SQOR: variants seen among roughly 807,000 people sequenced by gnomAD.
SQOR encodes the protein sulfide:quinone oxidoreductase, mitochondrial.
Under a neutral mutation model 48.6 loss-of-function variants are expected in SQOR, and 39 were observed. That is an observed-to-expected ratio of 0.80 (90% CI 0.62 to 1.05). The LOEUF is 1.05. Ranked by LOEUF, SQOR falls within the 50% of genes least tolerant of loss-of-function variation. The pLI, the probability that SQOR is intolerant of heterozygous loss-of-function variation, is 0.00. For missense variants in SQOR, 561 were observed against 559.9 expected (o/e 1.00, Z -0.02); for synonymous variants, 220 against 206.2 (o/e 1.07, Z -0.57).
At chr15:45,654,129 A>G (rs1266174982) in intron 1 of SQOR, among the ~76,000 whole-genome samples, 2 of 151,332 alleles carry the variant, frequency 1.3e-5, no homozygotes, top group Non-Finnish European at 2.9e-5. Context: ...AAAAAAAAAA[A>G]AAAAAGTGGC....
intron 6 of SQOR, among the ~76,000 whole-genome samples, chr15:45,680,644 G>C (rs1890110778): frequency 6.6e-6 from 1 of 151,730 alleles, no homozygotes; most frequent in Admixed American, 6.6e-5. Context: ...TCGAACTCCT[G>C]AGCTCAAGCG....
intron 7 of SQOR, among the ~76,000 whole-genome samples, chr15:45,687,594 A>G (rs1217559557): frequency 2.0e-5 from 2 of 97,680 alleles, no homozygotes; most frequent in South Asian, 3.1e-4. Flanking sequence ...ATACAGCGGG[A>G]AAAAAATAGC....
chr15:45,682,701 T>C (rs765211885), intron 7 of SQOR, 40 bp downstream of exon 7: 2 of 1,604,912 alleles, frequency 1.2e-6, no homozygotes, highest in Non-Finnish European at 1.7e-6. Context: ...CTCAAAAATA[T>C]GTCACCTCAA....
intron 2 of SQOR, 115 bp from the exon 3 acceptor site, chr15:45,661,840 C>A (rs372162712): frequency 2.7e-6 from 3 of 1,100,644 alleles, no homozygotes; most frequent in African/African-American, 3.2e-5. Context: ...CTTTTCCATA[C>A]GATGCTCTAA....
At chr15:45,638,859 C>T (rs533966478) in intron 1 of SQOR, among the ~76,000 whole-genome samples, 5 of 152,160 alleles carry the variant, frequency 3.3e-5, no homozygotes, top group African/African-American at 1.2e-4. Flanking sequence ...GAAAAGGCCA[C>T]GCAAAGGCAC....
chr15:45,672,657 C>A (rs1259943130), intron 4 of SQOR, among the ~76,000 whole-genome samples: 1 of 152,170 alleles, frequency 6.6e-6, no homozygotes, highest in Admixed American at 6.6e-5. Context: ...AGAACTGAGG[C>A]TTAAGTCTCT....
chr15:45,642,529 A>G (rs1244918924), intron 1 of SQOR, among the ~76,000 whole-genome samples: 1 of 152,176 alleles, frequency 6.6e-6, no homozygotes, highest in Non-Finnish European at 1.5e-5. Context: ...TCCTAGATCA[A>G]ATTGCCATTG....
intron 1 of SQOR, among the ~76,000 whole-genome samples, chr15:45,650,542 G>C (rs897029672): frequency 2.0e-5 from 3 of 152,116 alleles, no homozygotes; most frequent in African/African-American, 7.2e-5. Context: ...AAAGAAGAAA[G>C]CATCCACAAC....
At chr15:45,674,456 G>C (rs1260839579) in intron 5 of SQOR, among the ~76,000 whole-genome samples, 3 of 150,338 alleles carry the variant, frequency 2.0e-5, no homozygotes, top group Non-Finnish European at 4.4e-5. Flanking sequence ...AAAAAAAAAA[G>C]TCTACTGGAG....
chr15:45,687,761 C>T (rs1304385938), intron 7 of SQOR, among the ~76,000 whole-genome samples: 2 of 152,130 alleles, frequency 1.3e-5, no homozygotes, highest in Admixed American at 1.3e-4. Context: ...GTCTGTCTGT[C>T]TATCTAGGAA....
intron 1 of SQOR, among the ~76,000 whole-genome samples, chr15:45,657,435 G>A (rs1016887555): frequency 4.6e-5 from 7 of 152,126 alleles, no homozygotes; most frequent in African/African-American, 1.7e-4. Flanking sequence ...GAAATGCAGG[G>A]TCAAAGGGTA....
chr15:45,688,228 G>T lies in SQOR; in HGVS notation c.1049-109G>T, dbSNP rs1486189211. The stretch of plus-strand genomic sequence containing the variant: ...AAGGTCATGTTCTAGTCACAGTCTT[G>T]AGGGATGGGAAATGGAATCTTCTTG... On this transcript the variant is annotated intron_variant, in intron 7 of 9. Coordinates refer to ENST00000260324, the MANE Select transcript of SQOR (RefSeq NM_021199.4). The T allele has an allele frequency of 8.1e-6, 6 of 736,618 alleles. No homozygotes were observed. In the African/African-American group the frequency reaches 1.1e-4, roughly 13 times the overall value. 45.6% of individuals were successfully genotyped at this position (736,618 alleles called of 1,614,324 possible). A position where few individuals can be genotyped will look rare whatever the true frequency, so the allele number is the denominator to read the frequency against.
At chr15:45,654,243 G>C (rs72715019) in intron 1 of SQOR, among the ~76,000 whole-genome samples, 1 of 152,096 alleles carries the variant, frequency 6.6e-6, no homozygotes, top group African/African-American at 2.4e-5. Context: ...TATGGTTCTG[G>C]GTTTTCTGAT....
chr15:45,682,615 T>C lies in SQOR; in HGVS notation c.1002T>C (p.Ile334=). Residue 334 remains isoleucine (I), a synonymous_variant, in exon 7 of 10, where the codon ATT becomes ATC. Coordinates refer to ENST00000260324, the MANE Select transcript of SQOR (RefSeq NM_021199.4). ...QHRRYPNVFG[I]GDCTNLPTSK... is the part of the protein sequence containing the mutation. ...GGAGGTACCCAAATGTGTTTGGGAT[T>C]GGGGACTGCACCAACCTTCCTACGT... The C allele has an allele frequency of 6.2e-7, 1 of 1,614,152 alleles. No homozygotes were observed. Among genetic ancestry groups the C allele is most frequent in the East Asian group, 2.2e-5 (1 of 44,884 alleles).
At chr15:45,652,844 A>G (rs1293596266) in intron 1 of SQOR, among the ~76,000 whole-genome samples, 1 of 151,134 alleles carries the variant, frequency 6.6e-6, no homozygotes, top group Non-Finnish European at 1.5e-5. Flanking sequence ...GGTGGCAGGC[A>G]CCTGTAATCC....
intron 3 of SQOR, among the ~76,000 whole-genome samples, chr15:45,665,871 A>C (rs1471733724): frequency 2.6e-5 from 4 of 152,192 alleles, no homozygotes; most frequent in African/African-American, 4.8e-5. Context: ...GGTGTGAGCC[A>C]CCGTGCCCAG....
At chr15:45,668,801 A>C (rs1889885808) in intron 3 of SQOR, among the ~76,000 whole-genome samples, 1 of 152,030 alleles carries the variant, frequency 6.6e-6, no homozygotes, top group Non-Finnish European at 1.5e-5. Flanking sequence ...ATCATTTCCT[A>C]ACTCCAGTTT....
At chr15:45,677,457 T>C (rs1890057508) in intron 6 of SQOR, among the ~76,000 whole-genome samples, 2 of 152,224 alleles carry the variant, frequency 1.3e-5, no homozygotes, top group Non-Finnish European at 2.9e-5. Flanking sequence ...GGCCCAACTG[T>C]GTTTGTAGCA....
At chr15:45,646,767 A>C (rs1427192294) in intron 1 of SQOR, among the ~76,000 whole-genome samples, 3 of 152,158 alleles carry the variant, frequency 2.0e-5, no homozygotes, top group Non-Finnish European at 4.4e-5. Flanking sequence ...CACTGATTTC[A>C]AATTATTGCC....
Sources: allele counts gnomAD v4.1 joint callset (sites outside exome capture counted in the v4.1 genomes callset), GRCh38; gene constraint gnomAD v4.1.1; transcripts MANE v1.5; gene names NCBI Gene and HGNC (gene_info 2026-07-23, HGNC 2026-07-21).